Variants in CNTRL observed in about 807,000 individuals in gnomAD.
CNTRL encodes the protein centriolin, also known as 110 kDa centrosomal protein.
Under a neutral mutation model 303.7 loss-of-function variants are expected in CNTRL, and 233 were observed. The observed-to-expected ratio is 0.77, with a 90% confidence interval of 0.69 to 0.86. The LOEUF (loss-of-function observed/expected upper bound fraction) is 0.86. Ranked by LOEUF, CNTRL falls within the 40% of genes least tolerant of loss-of-function variation. The probability of loss-of-function intolerance (pLI) is 0.00; values close to 1 mark genes in which losing one functional copy is unlikely to be tolerated. For missense variants in CNTRL, 2,524 were observed against 2,650.6 expected, an observed-to-expected ratio of 0.95 and a Z score of 1.05; for synonymous variants, 900 against 922.2, an observed-to-expected ratio of 0.98 and a Z score of 0.44.
intron 40 of CNTRL, 34 bp from the exon 41 acceptor site, chr9:121,173,209 A>C (rs2053381111): frequency 6.4e-7 from 1 of 1,571,618 alleles, no homozygotes; most frequent in Admixed American, 1.9e-5. Context: ...CTGAAATTTT[A>C]TACAATGATA....
At position 121,088,375 on chromosome 9, in the gene CNTRL, T is replaced by C. The variant is rs373279905; in HGVS notation, c.49T>C (p.Ser17Pro). 6.0e-5 allele frequency: 97 copies of C among 1,613,638 alleles called. No individual in the cohort carries two copies. The highest frequency in any genetic ancestry group is 7.8e-5 in the Non-Finnish European group (92 of 1,179,702). Residue 17 changes from serine to proline, a missense_variant, in exon 3 of 44, where the codon TCA (serine) becomes CCA (proline). By Grantham distance (74) the Ser-to-Pro change is moderately conservative. Transcript: ENST00000373855. ...QKIFSKAKIP[S>P]SSHSPIPSSM... is the part of the protein sequence containing the mutation. ...AATATTCTCCAAAGCAAAGATACCATCATCATCTCACTCTCCTATCCCATC... is the reference window on the plus strand; with the variant it reads ...AATATTCTCCAAAGCAAAGATACCACCATCATCTCACTCTCCTATCCCATC...
chr9:121,158,256 C>A, intron 30 of CNTRL, 147 bp downstream of exon 30: 1 of 907,360 alleles, frequency 1.1e-6, no homozygotes, highest in Non-Finnish European at 1.6e-6. Flanking sequence ...AATCCCAACT[C>A]AATACAATAC....
At chr9:121,149,251 A>G (rs557232935) in intron 24 of CNTRL, among the ~76,000 whole-genome samples, 2 of 152,306 alleles carry the variant, frequency 1.3e-5, no homozygotes, top group African/African-American at 4.8e-5. Context: ...CTGTCTTCCA[A>G]AGCTCCAGAG....
At position 121,168,120 on chromosome 9, in the gene CNTRL, A is replaced by C. The variant is rs373888818; in HGVS notation, c.5869A>C (p.Arg1957=). Residue 1957 remains arginine, a synonymous_variant, in exon 38 of 44, where the codon AGA becomes CGA. Coordinates refer to ENST00000373855, the MANE Select transcript of CNTRL (RefSeq NM_007018.6). ...GATGTTTCAGAGACTCCAGAAAGAG[A>C]GAGAAAGTGAAGAAAGCAAATTAGA... ...EMMFQRLQKE[R]ESEESKLETS... 6.2e-7 allele frequency: 1 copy of C among 1,613,144 alleles called. No homozygotes were observed. Among genetic ancestry groups the C allele is most frequent in the African/African-American group, 1.3e-5 (1 of 75,014 alleles).
At chr9:121,120,709 G>T (rs149325532) in intron 12 of CNTRL, among the ~76,000 whole-genome samples, 1 of 152,078 alleles carries the variant, frequency 6.6e-6, no homozygotes, top group South Asian at 2.1e-4. Context: ...TATTTCTGGC[G>T]GACAGAGAGT....
chr9:121,085,667 T>C (rs1168279866), intron 2 of CNTRL, among the ~76,000 whole-genome samples: 1 of 152,228 alleles, frequency 6.6e-6, no homozygotes, highest in Non-Finnish European at 1.5e-5. Flanking sequence ...AAAGTAGATT[T>C]CTGGAAAGTC....
At chr9:121,165,732 G>T (rs2053063022) in intron 35 of CNTRL, among the ~76,000 whole-genome samples, 1 of 152,092 alleles carries the variant, frequency 6.6e-6, no homozygotes, top group Non-Finnish European at 1.5e-5. Flanking sequence ...CTTGCTAGAG[G>T]TCACACAGCT....
intron 31 of CNTRL, among the ~76,000 whole-genome samples, chr9:121,159,426 G>T (rs943029449): frequency 6.6e-6 from 1 of 152,182 alleles, no homozygotes; most frequent in African/African-American, 2.4e-5. Context: ...GAGGTTAAGA[G>T]ATTGAGACCA....
chr9:121,161,162 GCA>G (rs1314409236), intron 32 of CNTRL: 7 of 386,584 alleles, frequency 1.8e-5, no homozygotes, highest in East Asian at 3.7e-5. Flanking sequence ...GTGCTCACGC[GCA>G]CACACATGCA....
chr9:121,165,985 A>G lies in CNTRL; in HGVS notation c.5582-122A>G, dbSNP rs185211578. 12 of 700,316 alleles carry G rather than the reference A, an allele frequency of 1.7e-5. No homozygotes were observed. In the African/African-American group the frequency reaches 2.0e-4, roughly 12 times the overall value. The allele number at this position is 700,316 out of a possible 1,614,324, so 43.4% of individuals were successfully genotyped here. On this transcript the variant is annotated intron_variant, in intron 35 of 43. Coordinates refer to ENST00000373855, the MANE Select transcript of CNTRL (RefSeq NM_007018.6). ...TTGGCCTTTAATGAGATAGTGTGGC[A>G]TAGTCATACATGTAACAGGAGTAAG...
chr9:121,075,579 A>G (rs900186707), intron 1 of CNTRL, among the ~76,000 whole-genome samples: 6 of 152,238 alleles, frequency 3.9e-5, no homozygotes, highest in Admixed American at 1.3e-4. Context: ...TTAAGGGACT[A>G]GAGAATTTTG....
In CNTRL at chr9:121,173,408, A is replaced by C. The variant is rs201977426; in HGVS notation, c.6583A>C (p.Asn2195His). 102 of 1,613,994 alleles carry C rather than the reference A, an allele frequency of 6.3e-5. 1 individual carries two copies. The highest frequency in any genetic ancestry group is 1.4e-5 in the Non-Finnish European group (17 of 1,180,046). The change falls in exon 41 of 44, where the codon AAC becomes CAC. Residue 2195 changes from asparagine (N) to histidine (H), a missense_variant. Coordinates refer to ENST00000373855, the MANE Select transcript of CNTRL (RefSeq NM_007018.6). Reference protein sequence around the residue: ...DLEAILERNENLEGELESLKE... With the variant: ...DLEAILERNEHLEGELESLKE... ...AGAAGCTATTTTGGAAAGAAACGAA[A>C]ACCTAGAAGGAGAATTGGAAAGCTT...
At chr9:121,094,777 A>G in intron 4 of CNTRL, 111 bp from the exon 5 acceptor site, 1 of 735,274 alleles carries the variant, frequency 1.4e-6, no homozygotes, top group Non-Finnish European at 2.2e-6. Context: ...CAGTAAGGGT[A>G]TATTATTTTC....
intron 38 of CNTRL, among the ~76,000 whole-genome samples, chr9:121,168,530 T>C (rs2053181999): frequency 6.6e-6 from 1 of 152,222 alleles, no homozygotes; most frequent in Non-Finnish European, 1.5e-5. Context: ...AAGTCCTTCC[T>C]TGCTCATATT....
intron 4 of CNTRL, 79 bp downstream of exon 4, chr9:121,090,484 T>C (rs1351096342): frequency 1.5e-6 from 2 of 1,298,576 alleles, no homozygotes; most frequent in African/African-American, 3.0e-5. Context: ...AAAATTATCC[T>C]AATGTCACCT....
At chr9:121,146,560 C>T (rs1005281135) in intron 23 of CNTRL, among the ~76,000 whole-genome samples, 5 of 151,960 alleles carry the variant, frequency 3.3e-5, no homozygotes, top group East Asian at 1.9e-4. Context: ...GCAGAGCCTC[C>T]GACAGAAAAA....
chr9:121,177,238 C>T lies in CNTRL; in HGVS notation c.*52C>T. On this transcript the variant is annotated 3_prime_UTR_variant, in exon 44 of 44. Coordinates refer to ENST00000373855, the MANE Select transcript of CNTRL (RefSeq NM_007018.6). ...CAAGGAAAACACCTCCACTACCTCA[C>T]TGACTTCATAATTGGAATGTCACAT... The T allele has an allele frequency of 1.4e-6, 2 of 1,445,644 alleles. No individual in the cohort carries two copies. Among genetic ancestry groups the T allele is most frequent in the South Asian group, 1.2e-5 (1 of 84,648 alleles). The allele number at this position is 1,445,644 out of a possible 1,614,324, so 89.6% of individuals were successfully genotyped here. A position where few individuals can be genotyped will look rare whatever the true frequency, so the allele number is the denominator to read the frequency against.
intron 9 of CNTRL, among the ~76,000 whole-genome samples, 160 bp downstream of exon 9, chr9:121,112,738 T>G (rs1263808222): frequency 6.6e-6 from 1 of 152,212 alleles, no homozygotes; most frequent in Admixed American, 6.5e-5. Context: ...CTATGACTTA[T>G]TTGGCTCCGG....
rs1336835912 is a variant in CNTRL, at chr9:121,090,320, T to C, written c.263T>C (p.Ile88Thr). Reference protein sequence around the residue: ...AGVRYITEALIKKLTKQDNLA... With the variant: ...AGVRYITEALTKKLTKQDNLA... Reference sequence around the variant, plus strand: ...GTTAGATATATTACAGAGGCCCTCATTAAAAAACTTACTAAACAGGATAAT... The same window carrying C: ...GTTAGATATATTACAGAGGCCCTCACTAAAAAACTTACTAAACAGGATAAT... The change falls in exon 4 of 44, where the codon ATT becomes ACT. Residue 88 changes from isoleucine to threonine, a missense_variant. Transcript: ENST00000373855. 2 of 1,612,408 alleles carry C rather than the reference T, an allele frequency of 1.2e-6. No individual in the cohort carries two copies. The highest frequency in any genetic ancestry group is 1.7e-6 in the Non-Finnish European group (2 of 1,179,022).
Sources: allele counts gnomAD v4.1 joint callset (sites outside exome capture counted in the v4.1 genomes callset), GRCh38; gene constraint gnomAD v4.1.1; transcripts MANE v1.5; gene names NCBI Gene and HGNC (gene_info 2026-07-23, HGNC 2026-07-21).